Variants in KLHL1 observed in about 807,000 individuals in gnomAD.
KLHL1 encodes kelch like family member 1, also known as kelch-like protein 1.
Under a neutral mutation model 77.7 loss-of-function variants are expected in KLHL1, and 47 were observed. That is an observed-to-expected ratio of 0.60 (90% CI 0.48 to 0.77). The LOEUF (loss-of-function observed/expected upper bound fraction) is 0.77. Ranked by LOEUF, KLHL1 falls within the 30% of genes least tolerant of loss-of-function variation. KLHL1 has a pLI of 0.00. For synonymous variants in KLHL1, 360 were observed against 325.2 expected, an observed-to-expected ratio of 1.11 and a Z score of -1.15; for missense variants, 925 against 910.8, an observed-to-expected ratio of 1.02 and a Z score of -0.20.
At chr13:69,946,512 TCTC>T (rs980779376) in intron 3 of KLHL1, among the ~76,000 whole-genome samples, 3 of 152,150 alleles carry the variant, frequency 2.0e-5, no homozygotes, top group Admixed American at 2.0e-4. Context: ...TCTTCTTTGT[TCTC>T]CTTTTTTTTC....
intron 5 of KLHL1, among the ~76,000 whole-genome samples, chr13:69,839,406 A>C (rs1436911572): frequency 6.6e-6 from 1 of 151,942 alleles, no homozygotes; most frequent in Non-Finnish European, 1.5e-5. Context: ...AGTAAAAAAA[A>C]CACTTATAGT....
chr13:69,740,373 A>C (rs754416180), intron 8 of KLHL1, 21 bp downstream of exon 8: 2 of 1,510,528 alleles, frequency 1.3e-6, no homozygotes, highest in Admixed American at 4.0e-5. Context: ...AGATTAAAAA[A>C]TAAGAAAAAA....
At position 69,701,529 on chromosome 13, in the gene KLHL1, T is replaced by G; in HGVS notation, c.*173A>C. 1 of 552,494 alleles carries G rather than the reference T, an allele frequency of 1.8e-6. No homozygotes were observed. Among genetic ancestry groups the G allele is most frequent in the Non-Finnish European group, 3.2e-6 (1 of 309,512 alleles). The allele number at this position is 552,494 out of a possible 1,614,324, so 34.2% of individuals were successfully genotyped here. The stretch of plus-strand genomic sequence containing the variant: ...TTTTTCCTGTATAAGTTTAATGTTT[T>G]CTTGTTTCCTACTATTCTGTTTGAT... On this transcript the variant is annotated 3_prime_UTR_variant, in exon 11 of 11. Coordinates refer to ENST00000377844, the MANE Select transcript of KLHL1 (RefSeq NM_020866.3).
intron 4 of KLHL1, among the ~76,000 whole-genome samples, chr13:69,934,598 A>T (rs1178040956): frequency 6.6e-6 from 1 of 152,032 alleles, no homozygotes; most frequent in Non-Finnish European, 1.5e-5. Context: ...CAAAATGTTC[A>T]ATGGCATATT....
At chr13:70,075,774 C>CAT (rs1887255836) in intron 1 of KLHL1, among the ~76,000 whole-genome samples, 1 of 103,568 alleles carries the variant, frequency 9.7e-6, no homozygotes, top group Admixed American at 1.0e-4. Flanking sequence ...TATATATATA[C>CAT]ATATATATGT....
At chr13:69,740,301 A>G (rs1559465) in intron 8 of KLHL1, 93 bp downstream of exon 8, 192,516 of 889,686 alleles carry the variant, frequency 0.22, 21,574 homozygotes, top group East Asian at 0.3. Context: ...TTTTAAAACA[A>G]TTTTTACCAG....
rs1316398623 is a variant in KLHL1, at chr13:69,818,219, C to CTTTTTTTTTTTTTTTTTTTT, written c.1414+20737_1414+20756dup. ...AGAATTTAACTTAACTCATAGGCATCTTTTTTTTTTTTTTTTTTTTGAGAC... is the reference window on the plus strand; with the variant it reads ...AGAATTTAACTTAACTCATAGGCATCTTTTTTTTTTTTTTTTTTTTTTTTTTTTTTTTTTTTTTTTGAGAC... On this transcript the variant is annotated intron_variant, in intron 6 of 10. Transcript: ENST00000377844. Among the ~76,000 whole-genome samples, 85 of 112,884 alleles carry CTTTTTTTTTTTTTTTTTTTT rather than the reference C, an allele frequency of 7.5e-4. 6 individuals are homozygous for CTTTTTTTTTTTTTTTTTTTT. Among genetic ancestry groups the CTTTTTTTTTTTTTTTTTTTT allele is most frequent in the African/African-American group, 3.1e-3 (79 of 25,110 alleles). The allele number at this position is 112,884 out of a possible 152,430, so 74.1% of individuals were successfully genotyped here. A position where few individuals can be genotyped will look rare whatever the true frequency, so the allele number is the denominator to read the frequency against.
intron 1 of KLHL1, among the ~76,000 whole-genome samples, chr13:70,015,595 T>C (rs962132178): frequency 6.6e-6 from 1 of 152,206 alleles, no homozygotes; most frequent in Non-Finnish European, 1.5e-5. Flanking sequence ...TTTATTATAG[T>C]ATTCAATAAA....
intron 4 of KLHL1, among the ~76,000 whole-genome samples, chr13:69,910,830 A>G (rs1327732630): frequency 6.6e-6 from 1 of 152,116 alleles, no homozygotes; most frequent in Non-Finnish European, 1.5e-5. Flanking sequence ...ATAAGATGTT[A>G]TAATTAGTTC....
intron 10 of KLHL1, among the ~76,000 whole-genome samples, chr13:69,706,286 G>T (rs188681836): frequency 5.9e-4 from 90 of 151,462 alleles, no homozygotes; most frequent in East Asian, 5.6e-3. Context: ...TACTTACTTG[G>T]CTAAATGTAC....
At chr13:69,853,159 C>T (rs1292365840) in intron 5 of KLHL1, among the ~76,000 whole-genome samples, 1 of 151,976 alleles carries the variant, frequency 6.6e-6, no homozygotes, top group African/African-American at 2.4e-5. Flanking sequence ...TATGGTTTGA[C>T]TGTGACCCTA....
chr13:69,725,002 T>C (rs1468761895), intron 8 of KLHL1, among the ~76,000 whole-genome samples: 1 of 152,180 alleles, frequency 6.6e-6, no homozygotes, highest in Non-Finnish European at 1.5e-5. Context: ...AAGTGAATGC[T>C]GCACATGTGG....
intron 1 of KLHL1, among the ~76,000 whole-genome samples, chr13:70,075,348 A>G (rs1566554190): frequency 1.3e-5 from 2 of 151,630 alleles, no homozygotes; most frequent in East Asian, 1.9e-4. Flanking sequence ...AAATAAAAAA[A>G]TAAAAGCTAT....
rs1290786295 is a variant in KLHL1 at position 69,780,716 on chromosome 13, G to GTATA, written c.1639+16018_1639+16021dup. Among the ~76,000 whole-genome samples, 80 of 47,692 alleles carry GTATA rather than the reference G, an allele frequency of 1.7e-3. 4 individuals carry two copies. The highest frequency in any genetic ancestry group is 6.1e-3 in the South Asian group (8 of 1,310). 31.3% of individuals were successfully genotyped at this position (47,692 alleles called of 152,430 possible). A position where few individuals can be genotyped will look rare whatever the true frequency, so the allele number is the denominator to read the frequency against. On this transcript the variant is annotated intron_variant, in intron 7 of 10. Coordinates refer to ENST00000377844, the MANE Select transcript of KLHL1 (RefSeq NM_020866.3). ...TATATATATATGTATATATATATAT[G>GTATA]TATATATATATATATACATATATAT...
chr13:70,064,536 TTG>T (rs1384667612), intron 1 of KLHL1, among the ~76,000 whole-genome samples: 3 of 152,314 alleles, frequency 2.0e-5, no homozygotes, highest in African/African-American at 7.2e-5. Flanking sequence ...CCTTCACCTA[TTG>T]TGATAAACCT....
At chr13:70,089,112 A>G (rs1026804489) in intron 1 of KLHL1, among the ~76,000 whole-genome samples, 7 of 152,190 alleles carry the variant, frequency 4.6e-5, no homozygotes, top group African/African-American at 1.7e-4. Flanking sequence ...TTGTTAATCA[A>G]CATAAGAATG....
chr13:70,026,399 A>C (rs2137359342), intron 1 of KLHL1, among the ~76,000 whole-genome samples: 1 of 152,222 alleles, frequency 6.6e-6, no homozygotes, highest in Non-Finnish European at 1.5e-5. Context: ...TTAGCAATTT[A>C]GTTTTAAGAA....
At position 69,799,254 on chromosome 13, in the gene KLHL1, C is replaced by T. The variant is rs115098763; in HGVS notation, c.1415-2292G>A. ...GAAAGTACTTGAACAACTGTACTTC[C>T]CACAGACTCCAAAGCCTTGCTAAAA... On this transcript the variant is annotated intron_variant, in intron 6 of 10. Coordinates refer to ENST00000377844, the MANE Select transcript of KLHL1 (RefSeq NM_020866.3). Among the ~76,000 whole-genome samples, 1,115 of 152,256 alleles carry T rather than the reference C, an allele frequency of 7.3e-3. 19 individuals are homozygous for T. Among genetic ancestry groups the T allele is most frequent in the African/African-American group, 0.026 (1,068 of 41,542 alleles).
chr13:70,093,627 G>A (rs1405871820), intron 1 of KLHL1, among the ~76,000 whole-genome samples: 1 of 151,894 alleles, frequency 6.6e-6, no homozygotes, highest in Non-Finnish European at 1.5e-5. Flanking sequence ...GTATAAGGGG[G>A]GATATTACTT....
Sources: gnomAD v4.1 joint callset for allele counts (sites outside exome capture counted in the v4.1 genomes callset) on GRCh38, gnomAD v4.1.1 for gene constraint, MANE v1.5 for transcripts, NCBI Gene and HGNC (gene_info 2026-07-23, HGNC 2026-07-21) for gene names.